Variants in NXPH1 observed in about 807,000 individuals in gnomAD.
NXPH1 encodes neurexophilin-1.
In NXPH1, 5 loss-of-function variants were observed where a neutral mutation model predicts 23.7. That is an observed-to-expected ratio of 0.21 (90% CI 0.11 to 0.44). The LOEUF is 0.44. Among genes scored for constraint, NXPH1 ranks in the 20% least tolerant of loss-of-function variants. The probability of loss-of-function intolerance (pLI) is 0.99; values close to 1 mark genes in which losing one functional copy is unlikely to be tolerated. For synonymous variants in NXPH1, 144 were observed against 122.2 expected (o/e 1.18, Z -1.18); for missense variants, 324 against 321.6 (o/e 1.01, Z -0.06).
intron 2 of NXPH1, among the ~76,000 whole-genome samples, chr7:8,676,650 G>T (rs1259012845): frequency 1.3e-5 from 2 of 152,170 alleles, no homozygotes; most frequent in African/African-American, 2.4e-5. Flanking sequence ...TTATTTATCA[G>T]TATAGAGCTT....
At chr7:8,447,401 G>A (rs1287160832) in intron 2 of NXPH1, among the ~76,000 whole-genome samples, 2 of 152,240 alleles carry the variant, frequency 1.3e-5, no homozygotes, top group Non-Finnish European at 2.9e-5. Context: ...TGGTCTTGAT[G>A]TGGAACTTAA....
chr7:8,454,467 T>C (rs1457072553), intron 2 of NXPH1, among the ~76,000 whole-genome samples: 1 of 152,134 alleles, frequency 6.6e-6, no homozygotes, highest in Non-Finnish European at 1.5e-5. Context: ...CTACAGGATG[T>C]TTCAGTTTTA....
chr7:8,710,892 G>C (rs1562461918), intron 2 of NXPH1, among the ~76,000 whole-genome samples: 1 of 115,040 alleles, frequency 8.7e-6, no homozygotes, highest in Non-Finnish European at 1.6e-5. Flanking sequence ...TCGATCTCCT[G>C]ACCTCATGAT....
intron 2 of NXPH1, among the ~76,000 whole-genome samples, chr7:8,731,550 C>T (rs1392185410): frequency 2.0e-5 from 3 of 152,104 alleles, no homozygotes; most frequent in Non-Finnish European, 1.5e-5. Flanking sequence ...TGTTAGTTTT[C>T]CTTCTAACAG....
At chr7:8,570,562 CAT>C (rs1196619204) in intron 2 of NXPH1, among the ~76,000 whole-genome samples, 1 of 151,934 alleles carries the variant, frequency 6.6e-6, no homozygotes, top group East Asian at 1.9e-4. Context: ...TGCAGATAAT[CAT>C]ATTGGGTGTT....
At chr7:8,537,262 C>A (rs919685587) in intron 2 of NXPH1, among the ~76,000 whole-genome samples, 1 of 151,912 alleles carries the variant, frequency 6.6e-6, no homozygotes, top group Non-Finnish European at 1.5e-5. Flanking sequence ...TTATGTGCCA[C>A]CTCCCTGCTT....
At position 8,497,774 on chromosome 7, in the gene NXPH1, G is replaced by T. The variant is rs537721520; in HGVS notation, c.54+62007G>T. ...GATTCTGGATATTAGCCCTTTGTCA[G>T]ATGGGTAGATTGTAAAAATTTTCTC... On this transcript the variant is annotated intron_variant, in intron 2 of 2. Transcript: ENST00000405863. Among the ~76,000 whole-genome samples, 135 of 152,228 alleles carry T rather than the reference G, an allele frequency of 8.9e-4. 5 individuals carry two copies. The South Asian group carries it at 0.027, about 30-fold the overall frequency.
chr7:8,455,188 C>T (rs545552649), intron 2 of NXPH1, among the ~76,000 whole-genome samples: 1 of 152,028 alleles, frequency 6.6e-6, no homozygotes, highest in South Asian at 2.1e-4. Flanking sequence ...ATTGTCAGTT[C>T]TCCTATATAC....
chr7:8,472,440 G>T (rs983413399), intron 2 of NXPH1, among the ~76,000 whole-genome samples: 1 of 152,186 alleles, frequency 6.6e-6, no homozygotes, highest in African/African-American at 2.4e-5. Context: ...GAGAGACTGA[G>T]CCAACGAGGG....
intron 2 of NXPH1, among the ~76,000 whole-genome samples, chr7:8,573,776 T>C (rs560160021): frequency 1.6e-3 from 249 of 152,254 alleles, no homozygotes; most frequent in African/African-American, 5.6e-3. Flanking sequence ...CAAATAATAT[T>C]TAAGGTCATC....
intron 2 of NXPH1, among the ~76,000 whole-genome samples, chr7:8,445,363 C>T (rs1816382621): frequency 6.6e-6 from 1 of 152,146 alleles, no homozygotes; most frequent in Non-Finnish European, 1.5e-5. Flanking sequence ...TGGAAATGTA[C>T]ACTATGGTAA....
intron 2 of NXPH1, among the ~76,000 whole-genome samples, chr7:8,551,477 T>C (rs1456915291): frequency 6.6e-6 from 1 of 151,546 alleles, no homozygotes; most frequent in Non-Finnish European, 1.5e-5. Context: ...ACCATATTTA[T>C]AATATCTTAT....
chr7:8,708,911 C>G (rs923786351), intron 2 of NXPH1, among the ~76,000 whole-genome samples: 5 of 152,142 alleles, frequency 3.3e-5, no homozygotes, highest in African/African-American at 1.2e-4. Flanking sequence ...CAGGCCCTAC[C>G]TGTAGATGAA....
chr7:8,436,267 G>A lies in NXPH1; in HGVS notation c.54+500G>A, dbSNP rs148373285. ...CAGTTAACTTTCTTTGACTTGTAAGGGTTCCGACAGGATAAGTTTAACTAT... is the reference window on the plus strand; with the variant it reads ...CAGTTAACTTTCTTTGACTTGTAAGAGTTCCGACAGGATAAGTTTAACTAT... On this transcript the variant is annotated intron_variant, in intron 2 of 2. Coordinates refer to ENST00000405863, the MANE Select transcript of NXPH1 (RefSeq NM_152745.3). 3.3e-4 allele frequency among the ~76,000 whole-genome samples: 50 copies of A among 152,266 alleles called. 1 individual carries two copies. The East Asian group carries it at 8.9e-3, about 27-fold the overall frequency.
intron 2 of NXPH1, among the ~76,000 whole-genome samples, chr7:8,720,813 A>G (rs1248697751): frequency 1.3e-5 from 2 of 152,196 alleles, no homozygotes; most frequent in African/African-American, 4.8e-5. Context: ...TCTAATATCA[A>G]TTTGTCAATC....
intron 2 of NXPH1, among the ~76,000 whole-genome samples, chr7:8,519,854 A>G (rs541764728): frequency 1.8e-4 from 28 of 152,306 alleles, no homozygotes; most frequent in African/African-American, 6.0e-4. Context: ...ACATACAAAT[A>G]CATGTATATG....
chr7:8,653,764 T>A (rs574323324), intron 2 of NXPH1, among the ~76,000 whole-genome samples: 6 of 152,218 alleles, frequency 3.9e-5, no homozygotes, highest in Non-Finnish European at 8.8e-5. Context: ...TTCTATAAGG[T>A]GATAGGAGAA....
chr7:8,596,460 T>A (rs909282577), intron 2 of NXPH1, among the ~76,000 whole-genome samples: 1 of 152,064 alleles, frequency 6.6e-6, no homozygotes, highest in Non-Finnish European at 1.5e-5. Context: ...TGCCAAAGTG[T>A]TTTTTTATTG....
chr7:8,620,308 T>C (rs1480976366), intron 2 of NXPH1, among the ~76,000 whole-genome samples: 1 of 152,184 alleles, frequency 6.6e-6, no homozygotes, highest in African/African-American at 2.4e-5. Context: ...CATATATATT[T>C]ACCTCCAAGG....
Sources: gnomAD v4.1 joint callset for allele counts (sites outside exome capture counted in the v4.1 genomes callset) on GRCh38, gnomAD v4.1.1 for gene constraint, MANE v1.5 for transcripts, NCBI Gene and HGNC (gene_info 2026-07-23, HGNC 2026-07-21) for gene names.